ELAVL2: variants seen among roughly 807,000 people sequenced by gnomAD.
ELAVL2 encodes the protein ELAV like RNA binding protein 2, also known as ELAV-like protein 2.
Under a neutral mutation model 34.6 loss-of-function variants are expected in ELAVL2, and 4 were observed. The ratio of observed to expected loss-of-function variants is 0.12; its 90% CI spans 0.06 to 0.26. ELAVL2 has a LOEUF of 0.26. Among genes scored for constraint, ELAVL2 ranks in the 10% least tolerant of loss-of-function variants. The pLI, the probability that ELAVL2 is intolerant of heterozygous loss-of-function variation, is 1.00. For missense variants in ELAVL2, 432 were observed against 442.8 expected (o/e 0.98, Z 0.22); for synonymous variants, 193 against 154.8 (o/e 1.25, Z -1.83).
chr9:23,794,356 G>T (rs367565335), intron 1 of ELAVL2, among the ~76,000 whole-genome samples: 3 of 152,150 alleles, frequency 2.0e-5, no homozygotes, highest in African/African-American at 7.2e-5. Context: ...CTAAAGAGGG[G>T]AAAAGAACCA....
chr9:23,805,359 A>G (rs894081668), intron 1 of ELAVL2, among the ~76,000 whole-genome samples: 1 of 152,182 alleles, frequency 6.6e-6, no homozygotes, highest in Non-Finnish European at 1.5e-5. Flanking sequence ...AAGAGATATG[A>G]TTTGCTAAGC....
chr9:23,810,912 T>C (rs761315939), intron 1 of ELAVL2, among the ~76,000 whole-genome samples: 1 of 152,164 alleles, frequency 6.6e-6, no homozygotes, highest in African/African-American at 2.4e-5. Context: ...ACTCCACGTA[T>C]TTTTCTATCT....
At chr9:23,764,788 T>TA (rs1452778376) in intron 1 of ELAVL2, among the ~76,000 whole-genome samples, 1 of 152,058 alleles carries the variant, frequency 6.6e-6, no homozygotes, top group Non-Finnish European at 1.5e-5. Context: ...ATTTAGATTG[T>TA]AAAAAAATTA....
At chr9:23,808,220 CTG>C (rs34187389) in intron 1 of ELAVL2, among the ~76,000 whole-genome samples, 28,397 of 152,112 alleles carry the variant, frequency 0.19, 2,694 homozygotes, top group East Asian at 0.29. Context: ...ACCTCCCACA[CTG>C]TGTTATAAGC....
In ELAVL2 at chr9:23,803,507, G is replaced by C. The variant is rs564273500; in HGVS notation, c.-16+22299C>G. Among the ~76,000 whole-genome samples, 5 of 152,210 alleles carry C rather than the reference G, an allele frequency of 3.3e-5. 1 individual carries two copies. The South Asian group carries it at 1.0e-3, about 32-fold the overall frequency. ...CATCTTCCTCTCAAAGCCCTGGTGC[G>C]TTCCTCCTCAAGGCCCCTTTAGCCA... On this transcript the variant is annotated intron_variant, in intron 1 of 6. Coordinates refer to ENST00000397312, the MANE Select transcript of ELAVL2 (RefSeq NM_004432.5).
At chr9:23,701,815 G>A (rs2037340774) in intron 4 of ELAVL2, among the ~76,000 whole-genome samples, 1 of 152,066 alleles carries the variant, frequency 6.6e-6, no homozygotes, top group Non-Finnish European at 1.5e-5. Flanking sequence ...AAAAATTCGT[G>A]TCACTTACAT....
the ELAVL2 span, chr9:23,849,741 AAAAC>A: frequency 6.6e-6 from 1 of 152,230 alleles, no homozygotes. Flanking sequence ...AGTAGAGAGA[AAAAC>A]AAAATTAGCA....
intron 2 of ELAVL2, among the ~76,000 whole-genome samples, chr9:23,755,914 C>G (rs577632217): frequency 5.9e-5 from 9 of 152,284 alleles, no homozygotes; most frequent in African/African-American, 2.2e-4. Context: ...CACTGTACAA[C>G]TGTAACTGAC....
chr9:23,798,073 G>A (rs2061170526), intron 1 of ELAVL2, among the ~76,000 whole-genome samples: 1 of 152,220 alleles, frequency 6.6e-6, no homozygotes, highest in Non-Finnish European at 1.5e-5. Flanking sequence ...GCCTGAAAGT[G>A]TTTGAAATCT....
intron 2 of ELAVL2, among the ~76,000 whole-genome samples, chr9:23,745,605 CA>C: frequency 6.6e-6 from 1 of 152,218 alleles, no homozygotes; most frequent in East Asian, 1.9e-4. Flanking sequence ...CAAGGAGAAC[CA>C]AAGACTGTCC....
At chr9:23,824,964 C>T (rs2065204290) in intron 1 of ELAVL2, among the ~76,000 whole-genome samples, 1 of 152,112 alleles carries the variant, frequency 6.6e-6, no homozygotes, top group Admixed American at 6.5e-5. Flanking sequence ...CGCGTAGGAC[C>T]AAGGACAGGG....
the ELAVL2 span, among the ~76,000 whole-genome samples, chr9:23,836,525 A>G: frequency 1.3e-5 from 2 of 152,204 alleles, no homozygotes; most frequent in African/African-American, 4.8e-5. Context: ...TATTAGTCAT[A>G]TCAAAAGGAT....
intron 1 of ELAVL2, among the ~76,000 whole-genome samples, chr9:23,768,702 C>T (rs1405920768): frequency 6.6e-6 from 1 of 152,168 alleles, no homozygotes; most frequent in Non-Finnish European, 1.5e-5. Context: ...ATCTATCACA[C>T]TAACTACAAA....
chr9:23,802,643 T>A (rs1034796229), intron 1 of ELAVL2, among the ~76,000 whole-genome samples: 1 of 152,056 alleles, frequency 6.6e-6, no homozygotes, highest in African/African-American at 2.4e-5. Flanking sequence ...AACCTAAGAG[T>A]CCTCTGAGAC....
chr9:23,736,741 C>A (rs144657512), intron 2 of ELAVL2, among the ~76,000 whole-genome samples: 84 of 152,288 alleles, frequency 5.5e-4, no homozygotes, highest in Admixed American at 1.9e-3. Flanking sequence ...TAGGACAACC[C>A]TTGCTTAGAC....
intron 1 of ELAVL2, among the ~76,000 whole-genome samples, chr9:23,780,575 T>C (rs931081930): frequency 5.3e-5 from 8 of 152,206 alleles, no homozygotes; most frequent in African/African-American, 1.7e-4. Context: ...CATAACTATG[T>C]TGGCTTATAC....
intron 3 of ELAVL2, among the ~76,000 whole-genome samples, chr9:23,726,645 T>C (rs1313549935): frequency 6.6e-6 from 1 of 152,132 alleles, no homozygotes; most frequent in Non-Finnish European, 1.5e-5. Context: ...CACTGTGTTA[T>C]GTGATAATCA....
At chr9:23,745,894 A>T (rs2050365494) in intron 2 of ELAVL2, among the ~76,000 whole-genome samples, 1 of 152,174 alleles carries the variant, frequency 6.6e-6, no homozygotes, top group African/African-American at 2.4e-5. Context: ...AAACATTCAA[A>T]AAGACCTGCT....
chr9:23,801,285 T>C (rs1300810359), intron 1 of ELAVL2, among the ~76,000 whole-genome samples: 4 of 152,226 alleles, frequency 2.6e-5, no homozygotes, highest in Admixed American at 6.5e-5. Flanking sequence ...TGCTGCTTTA[T>C]TTCTTTTAAA....
Sources: gnomAD v4.1 joint callset for allele counts (sites outside exome capture counted in the v4.1 genomes callset) on GRCh38, gnomAD v4.1.1 for gene constraint, MANE v1.5 for transcripts, NCBI Gene and HGNC (gene_info 2026-07-23, HGNC 2026-07-21) for gene names.